SUGCT: variants seen among roughly 807,000 people sequenced by gnomAD.
SUGCT encodes succinyl-CoA:glutarate CoA-transferase.
Under a neutral mutation model 55.0 loss-of-function variants are expected in SUGCT, and 41 were observed. The observed-to-expected ratio is 0.74, with a 90% CI of 0.58 to 0.97. The LOEUF is 0.97. Among genes scored for constraint, SUGCT ranks in the 50% least tolerant of loss-of-function variants. The pLI is 0.00. For missense variants in SUGCT, 568 were observed against 547.8 expected (o/e 1.04, Z -0.37); for synonymous variants, 187 against 200.4 (o/e 0.93, Z 0.56).
At position 40,195,410 on chromosome 7, in the gene SUGCT, ACG is replaced by A. The variant is rs957589168; in HGVS notation, c.484+351_484+352del. 3.4e-3 allele frequency among the ~76,000 whole-genome samples: 511 copies of A among 151,100 alleles called. 3 individuals carry two copies. The highest frequency in any genetic ancestry group is 0.012 in the African/African-American group (488 of 41,242). On this transcript the variant is annotated intron_variant, in intron 6 of 13. Coordinates refer to ENST00000335693, the MANE Select transcript of SUGCT (RefSeq NM_001193313.2). ...GCTAATTTTTGTATTTTTAGTAGAG[ACG>A]GGGTTTCACCATGTTGGCCAGGATG...
Position 40,353,244 on chromosome 7 carries a change from G to T in SUGCT, c.816+36389G>T, listed in dbSNP as rs147705453. On this transcript the variant is annotated intron_variant, in intron 9 of 13. Coordinates refer to ENST00000335693, the MANE Select transcript of SUGCT (RefSeq NM_001193313.2). ...CTATTTAAAAAATAAGACTAGAAGA[G>T]CAGGAACAGACTTTTTTTCCCCAAA... Among the ~76,000 whole-genome samples the T allele has an allele frequency of 7.9e-3, 1,196 of 152,224 alleles. 4 individuals are homozygous for T. Among genetic ancestry groups the T allele is most frequent in the Non-Finnish European group, 0.012 (783 of 68,016 alleles).
chr7:40,681,356 A>G (rs893218792), intron 12 of SUGCT, among the ~76,000 whole-genome samples: 2 of 152,192 alleles, frequency 1.3e-5, no homozygotes, highest in African/African-American at 4.8e-5. Context: ...TGTTAATGTA[A>G]TGAAGCCTCC....
intron 6 of SUGCT, among the ~76,000 whole-genome samples, chr7:40,207,881 C>T (rs994466834): frequency 6.6e-6 from 1 of 152,008 alleles, no homozygotes; most frequent in African/African-American, 2.4e-5. Context: ...AGCAGGACCT[C>T]GAAGGATTAT....
At chr7:40,239,360 G>A (rs991538957) in intron 7 of SUGCT, among the ~76,000 whole-genome samples, 32 of 152,156 alleles carry the variant, frequency 2.1e-4, no homozygotes, top group African/African-American at 7.7e-4. Flanking sequence ...GGCATGAGCT[G>A]CTGTACCCTG....
chr7:40,951,489 C>T, the SUGCT span, among the ~76,000 whole-genome samples: 1 of 152,144 alleles, frequency 6.6e-6, no homozygotes, highest in African/African-American at 2.4e-5. Context: ...TTCTTGCCTT[C>T]TGCTAGCTTT....
the SUGCT span, among the ~76,000 whole-genome samples, chr7:41,014,126 G>A: frequency 3.9e-5 from 6 of 152,166 alleles, no homozygotes; most frequent in African/African-American, 1.4e-4. Context: ...TTGATATTGC[G>A]CTATAGTTAC....
intron 12 of SUGCT, among the ~76,000 whole-genome samples, chr7:40,672,218 G>GA (rs1480813711): frequency 1.3e-5 from 2 of 152,116 alleles, no homozygotes; most frequent in African/African-American, 4.8e-5. Flanking sequence ...ATTTTAAGTA[G>GA]AAATATCTTT....
chr7:40,151,538 T>G, intron 1 of SUGCT: 2 of 197,548 alleles, frequency 1.0e-5, no homozygotes, highest in Non-Finnish European at 2.2e-5. Flanking sequence ...TATAGATATT[T>G]CCAAGATCTC....
intron 1 of SUGCT, among the ~76,000 whole-genome samples, chr7:40,168,322 G>C (rs1177453943): frequency 6.6e-6 from 1 of 152,192 alleles, no homozygotes; most frequent in Non-Finnish European, 1.5e-5. Context: ...GGGTCATGCA[G>C]TTGAGATTTC....
At chr7:40,684,444 C>T (rs1784382882) in intron 12 of SUGCT, among the ~76,000 whole-genome samples, 2 of 152,142 alleles carry the variant, frequency 1.3e-5, no homozygotes, top group African/African-American at 4.8e-5. Flanking sequence ...CAAAGTAATT[C>T]ATACATATGG....
intron 12 of SUGCT, among the ~76,000 whole-genome samples, chr7:40,655,698 A>T (rs1391349227): frequency 6.6e-6 from 1 of 152,216 alleles, no homozygotes; most frequent in East Asian, 1.9e-4. Flanking sequence ...GGGGAGGGGT[A>T]GGGGACAGTG....
At chr7:40,520,277 A>G (rs1468244515) in intron 12 of SUGCT, among the ~76,000 whole-genome samples, 1 of 152,148 alleles carries the variant, frequency 6.6e-6, no homozygotes, top group African/African-American at 2.4e-5. Flanking sequence ...TATTATTAGA[A>G]AAGCTAAAGA....
At chr7:40,615,563 A>G (rs542792149) in intron 12 of SUGCT, among the ~76,000 whole-genome samples, 4 of 152,316 alleles carry the variant, frequency 2.6e-5, no homozygotes, top group Non-Finnish European at 4.4e-5. Context: ...CAGAATGGGT[A>G]CCCAACACAT....
chr7:40,558,021 A>G (rs1795645552), intron 12 of SUGCT, among the ~76,000 whole-genome samples: 1 of 151,984 alleles, frequency 6.6e-6, no homozygotes, highest in African/African-American at 2.4e-5. Context: ...GATGCTCCAC[A>G]TTATTAGTCA....
chr7:40,560,785 C>T (rs1317562557), intron 12 of SUGCT, among the ~76,000 whole-genome samples: 1 of 152,162 alleles, frequency 6.6e-6, no homozygotes, highest in African/African-American at 2.4e-5. Context: ...ACTAAGAAGA[C>T]TAGGAATATT....
intron 9 of SUGCT, 90 bp from the exon 10 acceptor site, chr7:40,449,197 C>T: frequency 1.2e-6 from 1 of 811,800 alleles, no homozygotes; most frequent in Non-Finnish European, 2.0e-6. Flanking sequence ...TGCTTTAGAA[C>T]AAGCTTTCTA....
At chr7:41,031,496 T>G in the SUGCT span, among the ~76,000 whole-genome samples, 4 of 152,184 alleles carry the variant, frequency 2.6e-5, no homozygotes, top group Non-Finnish European at 5.9e-5. Context: ...TCCAGACAGG[T>G]CAAGGTTACA....
downstream of SUGCT, among the ~76,000 whole-genome samples, chr7:40,861,729 G>T (rs971072599): frequency 7.9e-5 from 12 of 152,202 alleles, no homozygotes; most frequent in Admixed American, 4.6e-4. Context: ...ATAGGAACTT[G>T]TCTTCTCACA....
At chr7:40,426,173 A>G (rs1366295225) in intron 9 of SUGCT, among the ~76,000 whole-genome samples, 1 of 152,172 alleles carries the variant, frequency 6.6e-6, no homozygotes, top group African/African-American at 2.4e-5. Flanking sequence ...GTCCAAGCTC[A>G]GTCACCCACA....
Sources: allele counts gnomAD v4.1 joint callset (sites outside exome capture counted in the v4.1 genomes callset), GRCh38; gene constraint gnomAD v4.1.1; transcripts MANE v1.5; gene names NCBI Gene and HGNC (gene_info 2026-07-23, HGNC 2026-07-21).